Variants in CRPPA observed in about 807,000 individuals in gnomAD.
CRPPA encodes the protein CDP-L-ribitol pyrophosphorylase A.
In CRPPA, 43 loss-of-function variants were observed where a neutral mutation model predicts 52.0. That is an observed-to-expected ratio of 0.83 (90% CI 0.65 to 1.07). The LOEUF (loss-of-function observed/expected upper bound fraction) is 1.07. Ranked by LOEUF, CRPPA falls within the 50% of genes least tolerant of loss-of-function variation. The pLI is 0.00. For missense variants in CRPPA, 629 were observed against 551.7 expected (o/e 1.14, Z -1.40); for synonymous variants, 250 against 203.5 (o/e 1.23, Z -1.94).
At chr7:16,109,873 T>C (rs1782226120) in intron 9 of CRPPA, among the ~76,000 whole-genome samples, 1 of 152,106 alleles carries the variant, frequency 6.6e-6, no homozygotes, top group Middle Eastern at 3.4e-3. Flanking sequence ...CTGAAGCCTT[T>C]CTACTAAGTT....
intron 6 of CRPPA, among the ~76,000 whole-genome samples, chr7:16,266,053 C>G (rs1320520070): frequency 1.3e-5 from 2 of 152,238 alleles, no homozygotes; most frequent in East Asian, 3.9e-4. Context: ...TTCTACATGT[C>G]CCAAAGTCAA....
chr7:16,241,946 C>CTT (rs71549979), intron 8 of CRPPA, among the ~76,000 whole-genome samples: 14,144 of 55,342 alleles, frequency 0.26, 1,285 homozygotes, highest in African/African-American at 0.32. Context: ...AAAATCTATT[C>CTT]TTTTTTTTTT....
At chr7:16,174,748 A>C in intron 9 of CRPPA, among the ~76,000 whole-genome samples, 1 of 152,176 alleles carries the variant, frequency 6.6e-6, no homozygotes, top group East Asian at 1.9e-4. Context: ...AATTCTGTAA[A>C]GATAAGTCAA....
At chr7:16,269,342 C>T (rs1784033810) in intron 6 of CRPPA, 1 of 151,578 alleles carries the variant, frequency 6.6e-6, no homozygotes, top group Non-Finnish European at 1.5e-5. Flanking sequence ...AAAGAGTAAT[C>T]AACTAAGCCT....
At chr7:16,193,055 T>C (rs1781648778) in intron 9 of CRPPA, among the ~76,000 whole-genome samples, 1 of 152,176 alleles carries the variant, frequency 6.6e-6, no homozygotes, top group Non-Finnish European at 1.5e-5. Context: ...CCATGCAAAT[T>C]TGAAAATCAG....
intron 5 of CRPPA, 87 bp from the exon 6 acceptor site, chr7:16,278,313 C>A: frequency 1.5e-6 from 1 of 680,298 alleles, no homozygotes; most frequent in East Asian, 2.7e-5. Context: ...ACCTGATGTT[C>A]TTAGCTGTTG....
chr7:16,392,427 C>A (rs1442022318), intron 2 of CRPPA, among the ~76,000 whole-genome samples: 8 of 152,156 alleles, frequency 5.3e-5, no homozygotes, highest in African/African-American at 1.9e-4. Context: ...TTTCACACAG[C>A]TACCTAGTTC....
intron 3 of CRPPA, among the ~76,000 whole-genome samples, chr7:16,373,160 G>C (rs918985801): frequency 6.6e-6 from 1 of 152,106 alleles, no homozygotes; most frequent in East Asian, 1.9e-4. Flanking sequence ...GCCCGGCATG[G>C]TGGCGGGCAC....
chr7:16,278,047 GT>G (rs1009374038), intron 6 of CRPPA, 81 bp downstream of exon 6: 11 of 746,754 alleles, frequency 1.5e-5, no homozygotes, highest in East Asian at 5.4e-5. Flanking sequence ...ATTTTTATGG[GT>G]TTTTTTCCAA....
intron 1 of CRPPA, among the ~76,000 whole-genome samples, chr7:16,413,565 T>C (rs1181833393): frequency 6.6e-6 from 1 of 152,212 alleles, no homozygotes; most frequent in Non-Finnish European, 1.5e-5. Flanking sequence ...TCTACTCCAT[T>C]CCTGTTATCT....
chr7:16,219,535 T>C (rs1326281634), intron 8 of CRPPA, among the ~76,000 whole-genome samples: 2 of 109,928 alleles, frequency 1.8e-5, no homozygotes, highest in African/African-American at 3.3e-5. Context: ...ACAAAATTGA[T>C]AGACCGCTAG....
chr7:16,208,115 A>C (rs1782017454), intron 9 of CRPPA, among the ~76,000 whole-genome samples: 1 of 152,172 alleles, frequency 6.6e-6, no homozygotes, highest in South Asian at 2.1e-4. Context: ...TGACTTCACT[A>C]ACCTGAATCA....
At chr7:16,372,053 T>C (rs530977830) in intron 3 of CRPPA, among the ~76,000 whole-genome samples, 34 of 152,178 alleles carry the variant, frequency 2.2e-4, no homozygotes, top group Non-Finnish European at 1.5e-5. Flanking sequence ...CCAAGAAATA[T>C]TGGATTACCA....
intron 9 of CRPPA, among the ~76,000 whole-genome samples, chr7:16,202,697 G>A (rs1471718384): frequency 5.3e-5 from 8 of 152,294 alleles, no homozygotes; most frequent in Middle Eastern, 6.8e-3. Context: ...CATGCTCAAT[G>A]CAAACTGAAG....
intron 6 of CRPPA, among the ~76,000 whole-genome samples, chr7:16,263,538 G>C (rs569277776): frequency 3.2e-4 from 49 of 152,236 alleles, no homozygotes; most frequent in African/African-American, 1.2e-3. Context: ...GATCACCTGA[G>C]GTCAGGAGTT....
chr7:16,172,669 C>T (rs941795076), intron 9 of CRPPA, among the ~76,000 whole-genome samples: 4 of 152,202 alleles, frequency 2.6e-5, no homozygotes, highest in Non-Finnish European at 5.9e-5. Context: ...ACTACTCTCT[C>T]TCCTATGTGA....
chr7:16,276,485 A>G (rs1009301287), intron 6 of CRPPA: 1 of 152,230 alleles, frequency 6.6e-6, no homozygotes, highest in Admixed American at 6.5e-5. Flanking sequence ...TTATGACAAA[A>G]GAAAATAGAC....
At chr7:16,360,456 T>C (rs1386404362) in intron 3 of CRPPA, among the ~76,000 whole-genome samples, 1 of 152,166 alleles carries the variant, frequency 6.6e-6, no homozygotes. Context: ...TACTTCCTCA[T>C]TTCAAATGTT....
intron 9 of CRPPA, among the ~76,000 whole-genome samples, chr7:16,197,230 C>T (rs1027792738): frequency 6.6e-6 from 1 of 152,198 alleles, no homozygotes; most frequent in Non-Finnish European, 1.5e-5. Context: ...TGGCTTTCCA[C>T]TGTGTACAAG....
Sources: gnomAD v4.1 joint callset for allele counts (sites outside exome capture counted in the v4.1 genomes callset) on GRCh38, gnomAD v4.1.1 for gene constraint, MANE v1.5 for transcripts, NCBI Gene and HGNC (gene_info 2026-07-23, HGNC 2026-07-21) for gene names.